ABI3BP: variants seen among roughly 807,000 people sequenced by gnomAD.
ABI3BP encodes target of Nesh-SH3.
A neutral mutation model predicts 268.6 loss-of-function variants in ABI3BP; 216 were observed. That is an observed-to-expected ratio of 0.80 (90% CI 0.72 to 0.90). The LOEUF (loss-of-function observed/expected upper bound fraction) is 0.90, where lower values mean the gene tolerates loss of function less well. Ranked by LOEUF, ABI3BP falls within the 40% of genes least tolerant of loss-of-function variation. The pLI is 0.00. For missense variants in ABI3BP, 2,090 were observed against 2,182.4 expected, an observed-to-expected ratio of 0.96 and a Z score of 0.84; for synonymous variants, 730 against 730.0, an observed-to-expected ratio of 1.00 and a Z score of 0.00.
At chr3:100,960,789 G>A (rs2078802981) in intron 1 of ABI3BP, among the ~76,000 whole-genome samples, 2 of 152,184 alleles carry the variant, frequency 1.3e-5, no homozygotes, top group South Asian at 2.1e-4. Flanking sequence ...AGTCAGCAAG[G>A]AAAGAGGGTC....
intron 1 of ABI3BP, among the ~76,000 whole-genome samples, chr3:100,976,823 A>C (rs1212851393): frequency 6.6e-6 from 1 of 152,160 alleles, no homozygotes; most frequent in Non-Finnish European, 1.5e-5. Context: ...TCTTTAAGCT[A>C]TCTTGGGCAC....
At position 100,866,929 on chromosome 3, in the gene ABI3BP, G is replaced by T. The variant is rs749618997; in HGVS notation, c.938C>A (p.Ala313Asp). ...TTCAACCTCTGGTGTTTTAGATTCG[G>T]CAGGTAATGCCAAGGTTTCATTCTT... ...LAKNETLALP[A>D]ESKTPEVEKI... is the part of the protein sequence containing the mutation. Residue 313 changes from alanine to aspartate, a missense_variant, in exon 10 of 68, where the codon GCC becomes GAC. Transcript: ENST00000471714. 6.2e-7 allele frequency: 1 copy of T among 1,613,774 alleles called. No homozygotes were observed. The highest frequency in any genetic ancestry group is 8.5e-7 in the Non-Finnish European group (1 of 1,179,788).
chr3:100,753,211 A>G (rs911989439), intron 65 of ABI3BP, among the ~76,000 whole-genome samples: 6 of 152,122 alleles, frequency 3.9e-5, no homozygotes, highest in Non-Finnish European at 7.4e-5. Context: ...ATTTAGGAGC[A>G]AATTTAGGTT....
intron 20 of ABI3BP, chr3:100,843,674 G>A: frequency 1.0e-6 from 1 of 984,224 alleles, no homozygotes; most frequent in Non-Finnish European, 1.2e-6. Flanking sequence ...GTAAGGGAGT[G>A]CATGTATAGG....
At chr3:100,933,015 T>C (rs907391338) in intron 1 of ABI3BP, among the ~76,000 whole-genome samples, 4 of 152,014 alleles carry the variant, frequency 2.6e-5, no homozygotes, top group African/African-American at 9.7e-5. Context: ...TATCTAATCT[T>C]TCATAAGGTT....
At chr3:100,806,908 T>C (rs1225265260) in intron 50 of ABI3BP, among the ~76,000 whole-genome samples, 2 of 152,130 alleles carry the variant, frequency 1.3e-5, no homozygotes, top group Non-Finnish European at 2.9e-5. Context: ...TGATTTACTA[T>C]ACCGCATTTT....
At chr3:100,769,932 A>C (rs1203462553) in intron 62 of ABI3BP, among the ~76,000 whole-genome samples, 4 of 152,182 alleles carry the variant, frequency 2.6e-5, no homozygotes, top group African/African-American at 9.6e-5. Flanking sequence ...GCTGTTTTCC[A>C]TGTGCAGTAG....
chr3:100,824,936 T>G lies in ABI3BP; in HGVS notation c.2668A>C (p.Lys890Gln), dbSNP rs2098341115. The change falls in exon 36 of 68, where the codon AAA becomes CAA. Residue 890 changes from lysine to glutamine, a missense_variant. Transcript: ENST00000471714. ...TEIPATTLAT[K>Q]TSKRTRPPRP... ...GGAGGGCGGGTTCTTTTTGATGTTTTGGTAGCTGAAGGAAGAAAAAGCCTT... is the reference window on the plus strand; with the variant it reads ...GGAGGGCGGGTTCTTTTTGATGTTTGGGTAGCTGAAGGAAGAAAAAGCCTT... 1 of 1,535,670 alleles carries G rather than the reference T, an allele frequency of 6.5e-7. No individual in the cohort carries two copies. The highest frequency in any genetic ancestry group is 8.7e-7 in the Non-Finnish European group (1 of 1,146,486).
At chr3:100,783,852 T>A (rs1411034367) in intron 57 of ABI3BP, among the ~76,000 whole-genome samples, 1 of 152,222 alleles carries the variant, frequency 6.6e-6, no homozygotes, top group Non-Finnish European at 1.5e-5. Flanking sequence ...CCTGTGGGGC[T>A]GTAGTTTGCA....
At chr3:100,916,726 T>C (rs779220272) in intron 2 of ABI3BP, among the ~76,000 whole-genome samples, 1 of 152,202 alleles carries the variant, frequency 6.6e-6, no homozygotes, top group African/African-American at 2.4e-5. Context: ...GCCTGGAGAA[T>C]GGAACACAGC....
chr3:100,811,830 G>T, intron 46 of ABI3BP, 31 bp from the exon 47 acceptor site: 1 of 1,504,694 alleles, frequency 6.6e-7, no homozygotes, highest in Non-Finnish European at 8.9e-7. Context: ...GCTGGTTAGT[G>T]GTGGCCAACC....
chr3:100,789,549 C>T (rs2152003673), intron 55 of ABI3BP, 33 bp from the exon 56 acceptor site: 2 of 1,559,852 alleles, frequency 1.3e-6, no homozygotes, highest in African/African-American at 1.4e-5. Flanking sequence ...ATTTAATAAC[C>T]AACAGACCAA....
intron 2 of ABI3BP, among the ~76,000 whole-genome samples, chr3:100,920,949 A>G (rs1281349279): frequency 2.0e-5 from 3 of 152,190 alleles, no homozygotes; most frequent in African/African-American, 7.2e-5. Flanking sequence ...GATCTTTCCT[A>G]GAACACAGAT....
intron 60 of ABI3BP, 44 bp from the exon 61 acceptor site, chr3:100,774,717 AG>A (rs752856433): frequency 1.4e-5 from 20 of 1,402,048 alleles, no homozygotes; most frequent in Non-Finnish European, 1.9e-5. Context: ...AAGATAAAAA[AG>A]CTTCACAATA....
chr3:100,967,243 T>G (rs1034325899), intron 1 of ABI3BP, among the ~76,000 whole-genome samples: 4 of 152,122 alleles, frequency 2.6e-5, no homozygotes, highest in Non-Finnish European at 4.4e-5. Context: ...GGCTCACACC[T>G]GTAATCGTAA....
intron 52 of ABI3BP, 77 bp from the exon 53 acceptor site, chr3:100,795,928 T>A: frequency 9.9e-7 from 1 of 1,011,642 alleles, no homozygotes; most frequent in South Asian, 1.5e-5. Context: ...TCCTTATTTT[T>A]TAGATGCATT....
chr3:100,982,324 G>T (rs2089942989), intron 1 of ABI3BP, among the ~76,000 whole-genome samples: 1 of 151,932 alleles, frequency 6.6e-6, no homozygotes, highest in Admixed American at 6.6e-5. Context: ...AATGTACCTG[G>T]TCTTCACGTT....
Position 100,809,840 on chromosome 3 carries a change from AC to A in ABI3BP, c.3607+571del, listed in dbSNP as rs543900587. On this transcript the variant is annotated intron_variant, in intron 49 of 67. Coordinates refer to ENST00000471714, the MANE Select transcript of ABI3BP (RefSeq NM_001375547.2). ...TTTTTCAATCATTTCAAACTCCACT[AC>A]TATGTAAAGCTTTGTGATAAGCCAA... Among the ~76,000 whole-genome samples, 309 of 152,222 alleles carry A rather than the reference AC, an allele frequency of 2.0e-3. 2 individuals carry two copies. Among genetic ancestry groups the A allele is most frequent in the South Asian group, 4.8e-3 (23 of 4,820 alleles).
At chr3:100,803,206 T>C (rs2097581649) in intron 51 of ABI3BP, among the ~76,000 whole-genome samples, 1 of 146,096 alleles carries the variant, frequency 6.8e-6, no homozygotes, top group African/African-American at 2.4e-5. Context: ...TCGTTCAAAC[T>C]CTGGATAAAA....
Sources: allele counts gnomAD v4.1 joint callset (sites outside exome capture counted in the v4.1 genomes callset), GRCh38; gene constraint gnomAD v4.1.1; transcripts MANE v1.5; gene names NCBI Gene and HGNC (gene_info 2026-07-23, HGNC 2026-07-21).